DCAF6: variants seen among roughly 807,000 people sequenced by gnomAD.
DCAF6 encodes the protein DDB1 and CUL4 associated factor 6.
In DCAF6, 54 loss-of-function variants were observed where a neutral mutation model predicts 125.1. The ratio of observed to expected loss-of-function variants is 0.43; its 90% CI spans 0.35 to 0.54. The LOEUF is 0.54. Ranked by LOEUF, DCAF6 falls within the 20% of genes least tolerant of loss-of-function variation. DCAF6 has a pLI of 0.01. For missense variants in DCAF6, 934 were observed against 1,161.7 expected (o/e 0.80, Z 2.85); for synonymous variants, 371 against 390.4 (o/e 0.95, Z 0.58).
chr1:167,964,523 G>C (rs12117741), intron 2 of DCAF6, among the ~76,000 whole-genome samples: 1 of 152,078 alleles, frequency 6.6e-6, no homozygotes, highest in African/African-American at 2.4e-5. Context: ...CCTAGCTGTA[G>C]TTCTTTTTGT....
Position 167,963,527 on chromosome 1 carries a change from G to A in DCAF6, c.160-3102G>A, listed in dbSNP as rs565057400. 8.8e-5 allele frequency among the ~76,000 whole-genome samples: 13 copies of A among 147,492 alleles called. No individual in the cohort carries two copies. The East Asian group carries it at 2.7e-3, about 30-fold the overall frequency. ...TCAATCTCAGCTCACTGCTACCTCC[G>A]CCTCCCAGGTTCAAGTGATTCTCCT... On this transcript the variant is annotated intron_variant, in intron 2 of 21. Transcript: ENST00000367840.
intron 14 of DCAF6, among the ~76,000 whole-genome samples, chr1:168,044,221 G>T (rs1182484797): frequency 6.6e-6 from 1 of 152,100 alleles, no homozygotes; most frequent in Non-Finnish European, 1.5e-5. Context: ...AGGAAAGCTG[G>T]AGTATTAAGT....
rs150698211 is a variant in DCAF6, at chr1:168,021,537, A to G, written c.1550-1451A>G. ...AAGTAAAGCACGAATAGATTAGGGA[A>G]CTGATTGAAATGCTATTGTTCCCAC... On this transcript the variant is annotated intron_variant, in intron 11 of 21. Coordinates refer to ENST00000367840, the MANE Select transcript of DCAF6 (RefSeq NM_001198956.2). Among the ~76,000 whole-genome samples the G allele has an allele frequency of 1.8e-3, 275 of 152,310 alleles. 1 individual carries two copies. The highest frequency in any genetic ancestry group is 6.8e-3 in the Middle Eastern group (2 of 292).
At chr1:168,061,100 T>A (rs1319906130) in intron 17 of DCAF6, among the ~76,000 whole-genome samples, 1 of 152,206 alleles carries the variant, frequency 6.6e-6, no homozygotes, top group Non-Finnish European at 1.5e-5. Context: ...CAAGCATATG[T>A]CTCTTAAGTA....
intron 17 of DCAF6, among the ~76,000 whole-genome samples, chr1:168,055,690 T>C (rs1423555018): frequency 9.1e-6 from 1 of 109,500 alleles, no homozygotes; most frequent in Non-Finnish European, 1.7e-5. Context: ...CTAAAAATCA[T>C]AGGATATTGT....
intron 4 of DCAF6, 40 bp downstream of exon 4, chr1:167,975,055 T>C: frequency 7.4e-7 from 1 of 1,349,654 alleles, no homozygotes; most frequent in Non-Finnish European, 9.9e-7. Context: ...TATGTAAGTA[T>C]GTATATTTTT....
At chr1:168,042,785 G>T in intron 13 of DCAF6, 1 of 356,566 alleles carries the variant, frequency 2.8e-6, no homozygotes, top group Non-Finnish European at 5.2e-6. Flanking sequence ...ATAATGAAAG[G>T]ATCCAAACAG....
intron 16 of DCAF6, among the ~76,000 whole-genome samples, chr1:168,049,580 C>T (rs1395503679): frequency 2.0e-5 from 3 of 146,954 alleles, no homozygotes; most frequent in Admixed American, 6.8e-5. Context: ...GGTTAAGAAA[C>T]GTAAATATAT....
chr1:167,978,609 C>T (rs78173670), intron 4 of DCAF6, among the ~76,000 whole-genome samples: 4,570 of 152,054 alleles, frequency 0.03, 237 homozygotes, highest in African/African-American at 0.1. Context: ...GAAAAAATAT[C>T]TTCTGCATAT....
At chr1:167,899,279 G>A in the DCAF6 span, 2 of 801,382 alleles carry the variant, frequency 2.5e-6, no homozygotes. Context: ...CTGGACTAAA[G>A]CCTCTGTAGC....
intron 10 of DCAF6, among the ~76,000 whole-genome samples, chr1:168,014,696 C>T (rs1207929048): frequency 6.6e-6 from 1 of 152,228 alleles, no homozygotes; most frequent in African/African-American, 2.4e-5. Context: ...TCCAAACTAT[C>T]AGCAAATTCT....
At chr1:168,057,102 C>T (rs957536570) in intron 17 of DCAF6, among the ~76,000 whole-genome samples, 3 of 152,064 alleles carry the variant, frequency 2.0e-5, no homozygotes, top group African/African-American at 7.2e-5. Context: ...TTTTTCCACC[C>T]TAAAAAGTCT....
At chr1:167,958,848 C>T (rs890412365) in intron 2 of DCAF6, among the ~76,000 whole-genome samples, 1 of 152,216 alleles carries the variant, frequency 6.6e-6, no homozygotes, top group African/African-American at 2.4e-5. Flanking sequence ...CTGAGTGGTA[C>T]ATTTGCTGTA....
At chr1:167,963,263 CA>C (rs1050794930) in intron 2 of DCAF6, among the ~76,000 whole-genome samples, 13 of 143,700 alleles carry the variant, frequency 9.0e-5, no homozygotes, top group African/African-American at 2.0e-4. Context: ...AACTCTGTCT[CA>C]AAAAAAAAAC....
intron 4 of DCAF6, among the ~76,000 whole-genome samples, chr1:167,977,211 T>G (rs868127360): frequency 6.7e-6 from 1 of 150,066 alleles, no homozygotes; most frequent in Admixed American, 6.6e-5. Flanking sequence ...GGCCACAGTT[T>G]TTTTTTTTTT....
At chr1:167,991,458 A>C in intron 6 of DCAF6, 119 bp downstream of exon 6, 1 of 938,250 alleles carries the variant, frequency 1.1e-6, no homozygotes, top group South Asian at 2.4e-5. Flanking sequence ...GTATTTGTTT[A>C]ATATGGATTA....
chr1:167,966,242 A>C (rs1463080549), intron 2 of DCAF6, among the ~76,000 whole-genome samples: 1 of 152,176 alleles, frequency 6.6e-6, no homozygotes, highest in Non-Finnish European at 1.5e-5. Flanking sequence ...GTGGAACTGG[A>C]AACTGGAAGC....
the DCAF6 span, among the ~76,000 whole-genome samples, chr1:167,872,570 A>G: frequency 6.6e-6 from 1 of 151,866 alleles, no homozygotes; most frequent in Non-Finnish European, 1.5e-5. Flanking sequence ...TTTACCCTAA[A>G]AAGCCACTAT....
At chr1:167,904,952 GT>G in the DCAF6 span, 1 of 1,614,006 alleles carries the variant, frequency 6.2e-7, no homozygotes, top group Non-Finnish European at 8.5e-7. Context: ...ACGCGAGCCT[GT>G]TGCTCATCCA....
Sources: gnomAD v4.1 joint callset for allele counts (sites outside exome capture counted in the v4.1 genomes callset) on GRCh38, gnomAD v4.1.1 for gene constraint, MANE v1.5 for transcripts, NCBI Gene and HGNC (gene_info 2026-07-23, HGNC 2026-07-21) for gene names.